TRAPPC9: variants seen among roughly 807,000 people sequenced by gnomAD.
TRAPPC9 encodes the protein IKK2 binding protein.
A neutral mutation model predicts 124.0 loss-of-function variants in TRAPPC9; 83 were observed. The observed-to-expected ratio is 0.67, with a 90% CI of 0.56 to 0.80. TRAPPC9 has a LOEUF of 0.80. TRAPPC9 is among the 30% of genes least tolerant of loss of function. TRAPPC9 has a pLI of 0.00. For missense variants in TRAPPC9, 1,302 were observed against 1,508.3 expected, an observed-to-expected ratio of 0.86 and a Z score of 2.27; for synonymous variants, 638 against 617.5, an observed-to-expected ratio of 1.03 and a Z score of -0.49.
At chr8:139,845,347 C>T (rs1280356115) in intron 21 of TRAPPC9, among the ~76,000 whole-genome samples, 1 of 152,090 alleles carries the variant, frequency 6.6e-6, no homozygotes, top group Non-Finnish European at 1.5e-5. Context: ...CATTCCTGGC[C>T]CAGGCCTTTA....
At position 140,194,188 on chromosome 8, in the gene TRAPPC9, G is replaced by A. The variant is rs559207993; in HGVS notation, c.2556+27271C>T. ...GCAAAGGCCCCTGTCTATCTTTTCC[G>A]CCTCTACATTCACTGTCCTCCTTTC... is the stretch of plus-strand genomic sequence containing the variant. On this transcript the variant is annotated intron_variant, in intron 17 of 22. Coordinates refer to ENST00000438773, the MANE Select transcript of TRAPPC9 (RefSeq NM_001160372.4). Among the ~76,000 whole-genome samples the A allele has an allele frequency of 7.9e-5, 12 of 151,984 alleles. No individual in the cohort carries two copies. The East Asian group carries it at 1.2e-3, about 15-fold the overall frequency.
chr8:140,133,402 A>G (rs1052518157), intron 17 of TRAPPC9, among the ~76,000 whole-genome samples: 2 of 152,192 alleles, frequency 1.3e-5, no homozygotes, highest in Non-Finnish European at 2.9e-5. Context: ...ACAGAAACAG[A>G]AGGGAACTCC....
At chr8:139,733,460 C>T (rs1411470047) in intron 21 of TRAPPC9, among the ~76,000 whole-genome samples, 1 of 152,200 alleles carries the variant, frequency 6.6e-6, no homozygotes, top group Non-Finnish European at 1.5e-5. Flanking sequence ...GTGGGGGGCC[C>T]TTCCTGCTGG....
intron 19 of TRAPPC9, among the ~76,000 whole-genome samples, chr8:139,956,989 G>A (rs55676025): frequency 2.2e-3 from 331 of 152,368 alleles, no homozygotes; most frequent in African/African-American, 7.1e-3. Flanking sequence ...GCCTTCGAGC[G>A]GGAGGGACAC....
chr8:140,370,816 G>T, intron 8 of TRAPPC9, 148 bp downstream of exon 8: 1 of 837,114 alleles, frequency 1.2e-6, no homozygotes, highest in Non-Finnish European at 2.0e-6. Flanking sequence ...TCGGATTACA[G>T]CAGGCACCCA....
At position 140,353,629 on chromosome 8, in the gene TRAPPC9, G is replaced by T. The variant is rs1440565867; in HGVS notation, c.1495+6421C>A. On this transcript the variant is annotated intron_variant, in intron 9 of 22. Coordinates refer to ENST00000438773, the MANE Select transcript of TRAPPC9 (RefSeq NM_001160372.4). This position sits in a 1 kb window ranked among gnomAD's most constrained non-coding sequence, Gnocchi z 4.2. ...TTCATCCTGAAACGGCCAGCGCAAG[G>T]ATGACCATCAGGCCGCGGGCCAGAC... 6.6e-6 allele frequency among the ~76,000 whole-genome samples: 1 copy of T among 152,202 alleles called. No homozygotes were observed. Among genetic ancestry groups the T allele is most frequent in the Non-Finnish European group, 1.5e-5 (1 of 68,040 alleles).
chr8:139,874,176 T>C (rs534154575), intron 21 of TRAPPC9, among the ~76,000 whole-genome samples: 114 of 152,148 alleles, frequency 7.5e-4, no homozygotes, highest in Non-Finnish European at 1.2e-3. Flanking sequence ...AATGGAAAAA[T>C]GAAACATTAA....
At chr8:139,785,057 G>A (rs1487410023) in intron 21 of TRAPPC9, among the ~76,000 whole-genome samples, 6 of 152,148 alleles carry the variant, frequency 3.9e-5, no homozygotes, top group African/African-American at 9.7e-5. Flanking sequence ...AAGACTGCGT[G>A]GTATTAGTTT....
At chr8:139,921,008 T>C (rs1420060286) in intron 19 of TRAPPC9, among the ~76,000 whole-genome samples, 2 of 152,242 alleles carry the variant, frequency 1.3e-5, no homozygotes, top group African/African-American at 4.8e-5. Context: ...AACAGGTCTC[T>C]GAAGGTGTGG....
At chr8:140,296,237 A>C (rs986960754) in intron 11 of TRAPPC9, among the ~76,000 whole-genome samples, 8 of 152,154 alleles carry the variant, frequency 5.3e-5, no homozygotes, top group Non-Finnish European at 1.0e-4. Context: ...ACAGATTGTA[A>C]TTTTCACAAA....
chr8:140,456,966 A>G, intron 1 of TRAPPC9: 1 of 290,680 alleles, frequency 3.4e-6, no homozygotes, highest in Non-Finnish European at 5.1e-6. Flanking sequence ...AGAAGACCAC[A>G]GGCCAGTAGC....
intron 5 of TRAPPC9, among the ~76,000 whole-genome samples, chr8:140,407,048 T>C (rs1338446494): frequency 1.3e-5 from 2 of 152,170 alleles, no homozygotes; most frequent in East Asian, 3.9e-4. Flanking sequence ...AAAGCGACAT[T>C]TTTTCACACT....
chr8:140,003,584 A>T (rs1045310849), intron 18 of TRAPPC9, among the ~76,000 whole-genome samples: 1 of 146,112 alleles, frequency 6.8e-6, no homozygotes, highest in Admixed American at 6.8e-5. Context: ...CCTGGGTGAC[A>T]GAGTGAGACC....
chr8:139,805,140 C>T (rs1008679539), intron 21 of TRAPPC9, among the ~76,000 whole-genome samples: 1 of 152,200 alleles, frequency 6.6e-6, no homozygotes, highest in Non-Finnish European at 1.5e-5. Flanking sequence ...TAGCTCTCTC[C>T]TGGCCTCCTT....
intron 2 of TRAPPC9, among the ~76,000 whole-genome samples, chr8:140,448,941 T>C (rs2071362090): frequency 7.4e-6 from 1 of 134,392 alleles, no homozygotes; most frequent in Non-Finnish European, 1.7e-5. Context: ...CCCGTGTAGA[T>C]CACAGGGCTG....
At chr8:140,121,717 G>C (rs1248553100) in intron 17 of TRAPPC9, among the ~76,000 whole-genome samples, 4 of 152,174 alleles carry the variant, frequency 2.6e-5, no homozygotes, top group Non-Finnish European at 5.9e-5. Flanking sequence ...TGAAAAATCA[G>C]TGGCTTCCAC....
chr8:139,990,472 T>C (rs1018830467), intron 18 of TRAPPC9, among the ~76,000 whole-genome samples: 1 of 152,130 alleles, frequency 6.6e-6, no homozygotes, highest in Admixed American at 6.5e-5. Context: ...CTCATACACA[T>C]GCACACACAA....
Position 139,791,676 on chromosome 8 carries a change from G to A in TRAPPC9, c.3056-59474C>T, listed in dbSNP as rs149153516. 2.2e-3 allele frequency among the ~76,000 whole-genome samples: 330 copies of A among 152,290 alleles called. 2 individuals carry two copies. Among genetic ancestry groups the A allele is most frequent in the African/African-American group, 6.9e-3 (285 of 41,510 alleles). ...CTCTGGTGCCCCTTCTAGCCTGGAT[G>A]TTGTATGGATTGGCGCTACAGTCAA... On this transcript the variant is annotated intron_variant, in intron 21 of 22. Coordinates refer to ENST00000438773, the MANE Select transcript of TRAPPC9 (RefSeq NM_001160372.4).
Position 140,087,328 on chromosome 8 carries a change from G to T in TRAPPC9, c.2557-63249C>A, listed in dbSNP as rs1375256277. ...CACTCTATCTCTGCAACCCCCTCAG[G>T]AATGTCATCCAGGCCCAGGATTTTA... On this transcript the variant is annotated intron_variant, in intron 17 of 22. Transcript: ENST00000438773. This position sits in a 1 kb window ranked among gnomAD's most constrained non-coding sequence, Gnocchi z 4.6. 6.6e-6 allele frequency among the ~76,000 whole-genome samples: 1 copy of T among 152,070 alleles called. No homozygotes were observed. Among genetic ancestry groups the T allele is most frequent in the South Asian group, 2.1e-4 (1 of 4,814 alleles).
Sources: gnomAD v4.1 joint callset for allele counts (sites outside exome capture counted in the v4.1 genomes callset) on GRCh38, gnomAD v4.1.1 for gene constraint, Gnocchi (gnomAD v3.1) non-coding constraint, MANE v1.5 for transcripts, NCBI Gene and HGNC (gene_info 2026-07-23, HGNC 2026-07-21) for gene names.